Variants in OFD1 observed in about 807,000 individuals in gnomAD.
OFD1 encodes the protein OFD1 centriole and centriolar satellite protein.
Under a neutral mutation model 81.4 loss-of-function variants are expected in OFD1, and 12 were observed. That is an observed-to-expected ratio of 0.15 (90% CI 0.09 to 0.24). The LOEUF is 0.24. Ranked by LOEUF, OFD1 falls within the 10% of genes least tolerant of loss-of-function variation. The pLI is 1.00. For missense variants in OFD1, 685 were observed against 733.9 expected (o/e 0.93, Z 0.77); for synonymous variants, 256 against 263.7 (o/e 0.97, Z 0.28).
chrX:13,721,451 T>C, the OFD1 span: 1 of 111,991 alleles, frequency 8.9e-6, no homozygotes, highest in East Asian at 2.8e-4. Context: ...GTATGCACAC[T>C]GGGATGTGGT....
chrX:13,720,022 T>C, the OFD1 span: 1 of 913,219 alleles, frequency 1.1e-6, no homozygotes, highest in Non-Finnish European at 1.5e-6. Context: ...TAGTAGTCAA[T>C]CTTCAAATTA....
intron 11 of OFD1, 89 bp from the exon 12 acceptor site, chrX:13,755,062 A>G: frequency 1.6e-6 from 1 of 632,109 alleles, no homozygotes. Context: ...AGTGGTCATT[A>G]GGTCTGACAT....
At chrX:13,772,581 T>G (rs1172216466), downstream of OFD1, 1 of 250,434 alleles carries the variant, frequency 4.0e-6, no homozygotes, top group Non-Finnish European at 7.2e-6. Flanking sequence ...TTGAGTGTCT[T>G]GGTAGAATTG....
chrX:13,735,129 G>A, intron 1 of OFD1, 46 bp downstream of exon 1: 1 of 1,208,639 alleles, frequency 8.3e-7, no homozygotes, highest in East Asian at 3.0e-5. Flanking sequence ...GTCTTGTTTT[G>A]TGTTCGTTAA....
At chrX:13,752,742 T>A in intron 10 of OFD1, 1 of 972,215 alleles carries the variant, frequency 1.0e-6, no homozygotes, top group South Asian at 2.0e-5. Context: ...GCTTTGGGAA[T>A]CCTCATATGA....
At chrX:13,751,555 CG>C (rs2047503005) in intron 10 of OFD1, among the ~76,000 whole-genome samples, 187 bp downstream of exon 10, 1 of 111,263 alleles carries the variant, frequency 9.0e-6, no homozygotes, top group Non-Finnish European at 1.9e-5. Flanking sequence ...AGATAAGGGC[CG>C]GGTGTGGTGG....
chrX:13,757,635 T>A, intron 13 of OFD1, 25 bp from the exon 14 acceptor site: 1 of 347,994 alleles, frequency 2.9e-6, no homozygotes, highest in Non-Finnish European at 3.7e-6. Flanking sequence ...TGACTAGGAT[T>A]TTTTTTTTTT....
At chrX:13,749,372 A>G (rs183516182) in intron 8 of OFD1, 55 bp from the exon 9 acceptor site, 1 of 712,897 alleles carries the variant, frequency 1.4e-6, no homozygotes, top group African/African-American at 2.1e-5. Flanking sequence ...TATTCATTCA[A>G]ATCTGTTTTG....
chrX:13,730,293 A>G (rs1216775346), upstream of OFD1, among the ~76,000 whole-genome samples: 1 of 112,165 alleles, frequency 8.9e-6, no homozygotes, highest in Non-Finnish European at 1.9e-5. Context: ...GAAGACATCT[A>G]TGCAGCCAAC....
intron 21 of OFD1, among the ~76,000 whole-genome samples, 190 bp from the exon 22 acceptor site, chrX:13,768,528 C>T (rs2048217351): frequency 8.9e-6 from 1 of 112,071 alleles, no homozygotes; most frequent in South Asian, 3.7e-4. Flanking sequence ...TTATGTAAGT[C>T]TGAAGTATTA....
At chrX:13,755,968 T>TTTTTG (rs1298406528) in intron 12 of OFD1, among the ~76,000 whole-genome samples, 3 of 96,940 alleles carry the variant, frequency 3.1e-5, no homozygotes, top group African/African-American at 1.2e-4. Context: ...TTTTTTTTTT[T>TTTTTG]GAGACAGAGT....
At chrX:13,755,666 C>CA (rs1431139131) in intron 12 of OFD1, among the ~76,000 whole-genome samples, 1 of 112,243 alleles carries the variant, frequency 8.9e-6, no homozygotes, top group Non-Finnish European at 1.9e-5. Context: ...AGCAGGTAAA[C>CA]AAAATTCCTG....
At chrX:13,723,186 A>G in the OFD1 span, among the ~76,000 whole-genome samples, 2 of 111,334 alleles carry the variant, frequency 1.8e-5, no homozygotes, top group East Asian at 2.8e-4. Flanking sequence ...TGGCCACAGT[A>G]CTAGACAGCA....
At chrX:13,714,816 A>C in the OFD1 span, among the ~76,000 whole-genome samples, 1 of 112,045 alleles carries the variant, frequency 8.9e-6, no homozygotes, top group Non-Finnish European at 1.9e-5. Flanking sequence ...TAAATGGATT[A>C]ATCTCTATGG....
chrX:13,741,686 G>A (rs1388749161), intron 5 of OFD1, among the ~76,000 whole-genome samples: 1 of 112,202 alleles, frequency 8.9e-6, no homozygotes, highest in Non-Finnish European at 1.9e-5. Context: ...AAGGGAGATA[G>A]GAGAGGGGCA....
In OFD1 at chrX:13,757,873, A is replaced by C. The variant is rs1473202094; in HGVS notation, c.1542+83A>C. The C allele has an allele frequency of 2.8e-6, 3 of 1,052,861 alleles. No homozygotes were observed. The African/African-American group carries it at 5.5e-5, about 19-fold the overall frequency. 86.8% of individuals were successfully genotyped at this position (1,052,861 alleles called of 1,213,427 possible). The stretch of plus-strand genomic sequence containing the variant: ...AACTTGGCACAAGTCACACTAGTGT[A>C]AATCAGATTTATTTTAACATCAAAC... On this transcript the variant is annotated intron_variant, in intron 14 of 22. Coordinates refer to ENST00000340096, the MANE Select transcript of OFD1 (RefSeq NM_003611.3).
chrX:13,757,054 C>T (rs1055011819), intron 13 of OFD1, among the ~76,000 whole-genome samples: 1 of 111,362 alleles, frequency 9.0e-6, no homozygotes, highest in African/African-American at 3.3e-5. Flanking sequence ...ATAGTGCCTG[C>T]GATTACCTCT....
At chrX:13,733,465 T>G (rs1229397692), upstream of OFD1, among the ~76,000 whole-genome samples, 2 of 111,990 alleles carry the variant, frequency 1.8e-5, no homozygotes, top group Admixed American at 1.9e-4. Context: ...CCACTACCCA[T>G]CCTTTAAAAT....
chrX:13,752,974 G>T, intron 10 of OFD1: 5 of 903,131 alleles, frequency 5.5e-6, no homozygotes, highest in Non-Finnish European at 6.9e-6. Context: ...GGGGTGGGCA[G>T]ATGGTACAGG....
Sources: allele counts gnomAD v4.1 joint callset (sites outside exome capture counted in the v4.1 genomes callset), GRCh38; gene constraint gnomAD v4.1.1; transcripts MANE v1.5; gene names NCBI Gene and HGNC (gene_info 2026-07-23, HGNC 2026-07-21).